The following OTUD7B variants were observed in gnomAD, a reference collection of about 807,000 sequenced individuals.
OTUD7B encodes OTU domain-containing protein 7B.
In OTUD7B, 34 loss-of-function variants were observed where a neutral mutation model predicts 82.2. The observed-to-expected ratio is 0.41, with a 90% CI of 0.31 to 0.55. The LOEUF (loss-of-function observed/expected upper bound fraction) is 0.55. Ranked by LOEUF, OTUD7B falls within the 20% of genes least tolerant of loss-of-function variation. The probability of loss-of-function intolerance (pLI) is 0.20; values close to 1 mark genes in which losing one functional copy is unlikely to be tolerated. For synonymous variants in OTUD7B, 398 were observed against 402.7 expected (o/e 0.99, Z 0.14); for missense variants, 944 against 1,062.1 (o/e 0.89, Z 1.55).
chr1:150,032,656 G>C, the OTUD7B span, among the ~76,000 whole-genome samples: 1 of 149,206 alleles, frequency 6.7e-6, no homozygotes. Context: ...AAGAAAAGAA[G>C]AGGAAGAAGA....
intron 1 of OTUD7B, among the ~76,000 whole-genome samples, chr1:149,988,496 T>C (rs12074282): frequency 0.035 from 5,299 of 152,208 alleles, 325 homozygotes; most frequent in African/African-American, 0.12. Flanking sequence ...AACTTGGAAA[T>C]TGGCATTTGT....
At chr1:150,057,493 C>CT in the OTUD7B span, among the ~76,000 whole-genome samples, 4 of 152,192 alleles carry the variant, frequency 2.6e-5, no homozygotes, top group Non-Finnish European at 5.9e-5. Context: ...CATGAGTTGA[C>CT]TAGTGTCACT....
chr1:149,977,618 A>G, intron 1 of OTUD7B, 42 bp from the exon 2 acceptor site: 1 of 775,782 alleles, frequency 1.3e-6, no homozygotes, highest in Non-Finnish European at 2.3e-6. Context: ...TTACACTGGA[A>G]CAGGATAATC....
At chr1:150,066,481 T>C in the OTUD7B span, among the ~76,000 whole-genome samples, 1 of 152,188 alleles carries the variant, frequency 6.6e-6, no homozygotes, top group Non-Finnish European at 1.5e-5. The surrounding 1 kb of genome is among the most constrained non-coding windows in gnomAD (Gnocchi z 4.6). Context: ...AAATCTCTTA[T>C]ATTTCAGTAG....
the OTUD7B span, among the ~76,000 whole-genome samples, chr1:150,020,653 T>C: frequency 4.6e-5 from 7 of 152,196 alleles, no homozygotes; most frequent in African/African-American, 1.7e-4. Context: ...TTAAAACTGC[T>C]TGAGACTAGA....
At position 149,945,929 on chromosome 1, in the gene OTUD7B, G is replaced by A. The variant is rs587674398; in HGVS notation, c.1324-864C>T. 4.6e-5 allele frequency among the ~76,000 whole-genome samples: 7 copies of A among 151,952 alleles called. No individual in the cohort carries two copies. In the East Asian group the frequency reaches 1.4e-3, roughly 29 times the overall value. On this transcript the variant is annotated intron_variant, in intron 11 of 11. Transcript: ENST00000581312. The stretch of plus-strand genomic sequence containing the variant: ...TACAAAATTAGCCGGACGTGGTGGT[G>A]CATGTCTGTAATCCCAGCTACTCAG...
chr1:149,992,368 G>A (rs139364650), intron 1 of OTUD7B, among the ~76,000 whole-genome samples: 10 of 151,632 alleles, frequency 6.6e-5, no homozygotes, highest in African/African-American at 2.2e-4. Flanking sequence ...GATTATGTGT[G>A]ACATCAGGAT....
chr1:149,985,869 T>C (rs587708579), intron 1 of OTUD7B, among the ~76,000 whole-genome samples: 4 of 152,302 alleles, frequency 2.6e-5, no homozygotes, highest in South Asian at 2.1e-4. Context: ...AAGTGTACTA[T>C]GTGCTTCAAA....
intron 1 of OTUD7B, among the ~76,000 whole-genome samples, chr1:149,987,547 T>C (rs1158041843): frequency 2.6e-5 from 4 of 152,358 alleles, no homozygotes; most frequent in Admixed American, 1.3e-4. Context: ...GGGCAGCTTA[T>C]TGATATACAA....
chr1:150,023,046 T>G, the OTUD7B span, among the ~76,000 whole-genome samples: 2 of 152,226 alleles, frequency 1.3e-5, no homozygotes, highest in African/African-American at 4.8e-5. Context: ...GTATATGTTC[T>G]GAAAGCAGAA....
chr1:150,049,532 G>A, the OTUD7B span, among the ~76,000 whole-genome samples: 3 of 151,760 alleles, frequency 2.0e-5, no homozygotes, highest in African/African-American at 4.8e-5. Flanking sequence ...CATGGATTCC[G>A]GTGTTCACAT....
In OTUD7B at chr1:149,971,211, T is replaced by C. The variant is rs1571656812; in HGVS notation, c.126A>G (p.Glu42=). The C allele has an allele frequency of 2.5e-6, 4 of 1,612,750 alleles. No homozygotes were observed. In the East Asian group the frequency reaches 8.9e-5, roughly 36 times the overall value. Residue 42 remains glutamate, a synonymous_variant, in exon 3 of 12, where the codon GAA becomes GAG. Coordinates refer to ENST00000581312, the MANE Select transcript of OTUD7B (RefSeq NM_020205.4). The stretch of plus-strand genomic sequence containing the variant: ...TTCCAGCATGGACTTGACGTAGCTG[T>C]TCAAAATCACTGAGGGCGGCATTCA... ...WDVNAALSDF[E]QLRQVHAGNL...
rs2092746131 is a variant in OTUD7B, at chr1:149,939,031, A to C, written c.*4826T>G. On this transcript the variant is annotated 3_prime_UTR_variant, in exon 12 of 12. Coordinates refer to ENST00000581312, the MANE Select transcript of OTUD7B (RefSeq NM_020205.4). ...CTTAACCAGGAATGGAGTGGGCAGG[A>C]GCTGAGGGTTAAGGCTGCCTCTCAC... 2 of 151,496 alleles carry C rather than the reference A, an allele frequency of 1.3e-5. No homozygotes were observed. The highest frequency in any genetic ancestry group is 4.9e-5 in the African/African-American group (2 of 41,040). 9.4% of individuals were successfully genotyped at this position (151,496 alleles called of 1,614,324 possible).
intron 1 of OTUD7B, among the ~76,000 whole-genome samples, chr1:149,990,104 G>A (rs1651458865): frequency 6.6e-6 from 1 of 152,206 alleles, no homozygotes; most frequent in Admixed American, 6.5e-5. Context: ...AGATATCCCA[G>A]TCTTACCTTC....
intron 7 of OTUD7B, among the ~76,000 whole-genome samples, chr1:149,958,013 GCTCACGCTCCGTGGGCTATA>G (rs1288676273): frequency 6.6e-6 from 1 of 152,162 alleles, no homozygotes; most frequent in Non-Finnish European, 1.5e-5. Flanking sequence ...CCCTGCTTCG[GCTCACGCTCCGTGGGCTATA>G]CCCACTGTCC....
chr1:150,021,739 T>G, the OTUD7B span, among the ~76,000 whole-genome samples: 2 of 152,210 alleles, frequency 1.3e-5, no homozygotes, highest in Non-Finnish European at 2.9e-5. Context: ...GGTTTACTAA[T>G]TAGTCAACAA....
chr1:150,065,852 T>TCTTTTTTTTTTTTTTTTTTTTTTTG, the OTUD7B span, among the ~76,000 whole-genome samples: 1 of 152,202 alleles, frequency 6.6e-6, no homozygotes, highest in African/African-American at 2.4e-5. Flanking sequence ...TCAAAATGTT[T>TCTTTTTTTTTTTTTTTTTTTTTTTG]ATGTTCCATA....
chr1:149,964,057 GC>G, intron 6 of OTUD7B, 164 bp downstream of exon 6: 1 of 701,208 alleles, frequency 1.4e-6, no homozygotes, highest in Non-Finnish European at 2.4e-6. Flanking sequence ...ACATCAGAAG[GC>G]ATTTACCCCA....
At chr1:150,040,713 CTT>C in the OTUD7B span, among the ~76,000 whole-genome samples, 9 of 145,446 alleles carry the variant, frequency 6.2e-5, 1 homozygote, top group Admixed American at 2.1e-4. Context: ...CTTTTCTTTC[CTT>C]TTTTTTTTTT....
Sources: gnomAD v4.1 joint callset for allele counts (sites outside exome capture counted in the v4.1 genomes callset) on GRCh38, gnomAD v4.1.1 for gene constraint, Gnocchi (gnomAD v3.1) non-coding constraint, MANE v1.5 for transcripts, NCBI Gene and HGNC (gene_info 2026-07-23, HGNC 2026-07-21) for gene names.